Variants in MGAT4C observed in about 807,000 individuals in gnomAD.
The protein encoded by MGAT4C is MGAT4 family member C.
In MGAT4C, 19 loss-of-function variants were observed where a neutral mutation model predicts 40.1. That is an observed-to-expected ratio of 0.47 (90% confidence interval 0.33 to 0.70). MGAT4C has a LOEUF of 0.70. Among genes scored for constraint, MGAT4C ranks in the 30% least tolerant of loss-of-function variants. The pLI is 0.02. For missense variants in MGAT4C, 491 were observed against 563.2 expected, an observed-to-expected ratio of 0.87 and a Z score of 1.30; for synonymous variants, 181 against 187.1, an observed-to-expected ratio of 0.97 and a Z score of 0.27.
chr12:86,696,510 G>T (rs1950261919), intron 2 of MGAT4C, among the ~76,000 whole-genome samples: 1 of 152,172 alleles, frequency 6.6e-6, no homozygotes, highest in African/African-American at 2.4e-5. Flanking sequence ...TGAGAAATAT[G>T]ATTCTGTTGG....
chr12:86,405,594 T>C (rs1956448640), intron 3 of MGAT4C, among the ~76,000 whole-genome samples: 3 of 151,982 alleles, frequency 2.0e-5, no homozygotes, highest in African/African-American at 7.2e-5. Flanking sequence ...CTTATCACAA[T>C]TTCTGAATTG....
intron 4 of MGAT4C, among the ~76,000 whole-genome samples, chr12:86,301,529 T>C (rs1218701910): frequency 6.6e-6 from 1 of 152,186 alleles, no homozygotes; most frequent in Non-Finnish European, 1.5e-5. Flanking sequence ...GCTTTTACAT[T>C]TGTGTTCTTC....
Position 85,999,345 on chromosome 12 carries a change from C to T in MGAT4C, c.-6-9793G>A, listed in dbSNP as rs115793251. 2.1e-3 allele frequency among the ~76,000 whole-genome samples: 322 copies of T among 152,168 alleles called. 2 individuals carry two copies. The highest frequency in any genetic ancestry group is 7.2e-3 in the African/African-American group (298 of 41,522). ...AATGCACATAGAAGATTTTCTAAAACAGACCTGATTTGGGGATGACAAGTC... is the reference window on the plus strand; with the variant it reads ...AATGCACATAGAAGATTTTCTAAAATAGACCTGATTTGGGGATGACAAGTC... On this transcript the variant is annotated intron_variant, in intron 2 of 4. Coordinates refer to ENST00000611864, the MANE Select transcript of MGAT4C (RefSeq NM_001351288.2).
At chr12:86,102,577 A>G (rs1450684303) in intron 1 of MGAT4C, among the ~76,000 whole-genome samples, 1 of 152,098 alleles carries the variant, frequency 6.6e-6, no homozygotes, top group Non-Finnish European at 1.5e-5. Context: ...AAGTATTTTT[A>G]GTTCTCTAAT....
chr12:86,400,792 T>C (rs1956342270), intron 3 of MGAT4C, among the ~76,000 whole-genome samples: 1 of 152,164 alleles, frequency 6.6e-6, no homozygotes, highest in Non-Finnish European at 1.5e-5. Flanking sequence ...AATATAGAGG[T>C]AGTCATAATG....
At chr12:86,513,053 TCAG>T (rs747859310) in intron 2 of MGAT4C, among the ~76,000 whole-genome samples, 6 of 152,138 alleles carry the variant, frequency 3.9e-5, no homozygotes, top group Non-Finnish European at 7.4e-5. Flanking sequence ...CTTATTTCTC[TCAG>T]CAGAATATTA....
At chr12:86,374,573 C>A (rs1170718392) in intron 3 of MGAT4C, among the ~76,000 whole-genome samples, 1 of 152,072 alleles carries the variant, frequency 6.6e-6, no homozygotes, top group Non-Finnish European at 1.5e-5. Context: ...TCCTTATAGG[C>A]ATCTTACAAG....
intron 1 of MGAT4C, among the ~76,000 whole-genome samples, chr12:86,163,902 T>A (rs839121): frequency 0.89 from 135,036 of 152,226 alleles, 60,141 homozygotes; most frequent in East Asian, 1. Flanking sequence ...TTTAAAATCT[T>A]ATTGTAAAAG....
intron 3 of MGAT4C, among the ~76,000 whole-genome samples, chr12:86,423,773 T>C (rs1335941156): frequency 5.3e-5 from 8 of 152,222 alleles, no homozygotes. Flanking sequence ...TTGCCTGTAA[T>C]GAACTATTAG....
At chr12:86,130,909 C>T (rs1198849993) in intron 1 of MGAT4C, among the ~76,000 whole-genome samples, 2 of 151,968 alleles carry the variant, frequency 1.3e-5, no homozygotes, top group Admixed American at 6.6e-5. Context: ...ACCACCATCA[C>T]CATCATATCT....
Position 85,960,891 on chromosome 12 carries a change from G to T in MGAT4C, c.*18398C>A, listed in dbSNP as rs892134880. The T allele has an allele frequency of 6.6e-6, 1 of 151,756 alleles. No individual in the cohort carries two copies. Among genetic ancestry groups the T allele is most frequent in the Admixed American group, 6.6e-5 (1 of 15,224 alleles). 9.4% of individuals were successfully genotyped at this position (151,756 alleles called of 1,614,324 possible). A position where few individuals can be genotyped will look rare whatever the true frequency, so the allele number is the denominator to read the frequency against. On this transcript the variant is annotated 3_prime_UTR_variant, in exon 5 of 5. Transcript: ENST00000611864. ...TAAATATTTATTTATATGATGTTTG[G>T]CACTTTATTTTATAAAACTACCCTT...
intron 2 of MGAT4C, among the ~76,000 whole-genome samples, chr12:86,720,813 T>C (rs1401839667): frequency 1.3e-5 from 2 of 152,202 alleles, no homozygotes; most frequent in African/African-American, 2.4e-5. Context: ...AGTAGAGGCA[T>C]TGTTTATAGA....
chr12:86,741,298 A>C (rs1379456277), intron 1 of MGAT4C, among the ~76,000 whole-genome samples: 1 of 151,350 alleles, frequency 6.6e-6, no homozygotes, highest in Non-Finnish European at 1.5e-5. Flanking sequence ...ATGGTTTTAG[A>C]TTATACTTTA....
chr12:86,586,126 G>C (rs1961028171), intron 2 of MGAT4C, among the ~76,000 whole-genome samples: 2 of 115,556 alleles, frequency 1.7e-5, no homozygotes, highest in Non-Finnish European at 3.3e-5. Context: ...ACAGTCCCCA[G>C]AGTGTGATGT....
intron 2 of MGAT4C, among the ~76,000 whole-genome samples, chr12:85,999,877 T>C (rs1489234968): frequency 6.6e-6 from 1 of 151,938 alleles, no homozygotes; most frequent in African/African-American, 2.4e-5. Flanking sequence ...GGAGGGGAGA[T>C]GGAAGCTGGG....
intron 2 of MGAT4C, among the ~76,000 whole-genome samples, chr12:86,470,271 CTTAT>C (rs1565783171): frequency 6.6e-6 from 1 of 152,188 alleles, no homozygotes; most frequent in Non-Finnish European, 1.5e-5. Context: ...AGGAAAGATA[CTTAT>C]GTACAGCTAA....
At chr12:86,714,257 A>T (rs1047336013) in intron 2 of MGAT4C, among the ~76,000 whole-genome samples, 6 of 152,180 alleles carry the variant, frequency 3.9e-5, no homozygotes, top group Non-Finnish European at 8.8e-5. Context: ...CTACCTCCAT[A>T]TATAAGTTGC....
intron 1 of MGAT4C, among the ~76,000 whole-genome samples, chr12:86,055,481 C>G (rs1397341926): frequency 6.6e-6 from 1 of 152,006 alleles, no homozygotes. Context: ...TCAAAAGTCT[C>G]TAAACCATAA....
At chr12:86,323,410 T>C (rs1954443960) in intron 4 of MGAT4C, among the ~76,000 whole-genome samples, 1 of 151,604 alleles carries the variant, frequency 6.6e-6, no homozygotes, top group Non-Finnish European at 1.5e-5. Context: ...CATCTTTATT[T>C]CCTAAAATAA....
Sources: allele counts gnomAD v4.1 joint callset (sites outside exome capture counted in the v4.1 genomes callset), GRCh38; gene constraint gnomAD v4.1.1; transcripts MANE v1.5; gene names NCBI Gene and HGNC (gene_info 2026-07-23, HGNC 2026-07-21).